Variants in IL3RA observed in about 807,000 individuals in gnomAD.
IL3RA encodes interleukin 3 receptor subunit alpha, also known as interleukin-3 receptor subunit alpha.
In IL3RA, 73 loss-of-function variants were observed where a neutral mutation model predicts 52.3. The observed-to-expected ratio is 1.40, with a 90% confidence interval of 1.16 to 1.70. The LOEUF (loss-of-function observed/expected upper bound fraction) is 1.70, where lower values mean the gene tolerates loss of function less well. Ranked by LOEUF, IL3RA falls within the 40% of genes most tolerant of loss-of-function variation. The pLI is 0.00. For missense variants in IL3RA, 664 were observed against 504.4 expected (o/e 1.32, Z -3.03); for synonymous variants, 260 against 194.0 (o/e 1.34, Z -2.83).
chrX:1,377,449 G>T (rs1475053631), intron 9 of IL3RA, among the ~76,000 whole-genome samples: 1 of 151,898 alleles, frequency 6.6e-6, no homozygotes, highest in Admixed American at 6.6e-5. Context: ...GGCCATGTTG[G>T]CCAGGCTGGT....
At chrX:1,349,291 C>T (rs2085970766) in intron 4 of IL3RA, among the ~76,000 whole-genome samples, 2 of 151,534 alleles carry the variant, frequency 1.3e-5, no homozygotes, top group South Asian at 4.2e-4. Context: ...AAGCGATTCT[C>T]CTGCCTCAGC....
chrX:1,344,515 T>C lies in IL3RA; in HGVS notation c.65-801T>C, dbSNP rs747194179. ...ATCAACTGGGCATGGTGGCTCATGC[T>C]TGTAATCCCAGCACTTTGAGAGGCC... On this transcript the variant is annotated intron_variant, in intron 2 of 11. Coordinates refer to ENST00000331035, the MANE Select transcript of IL3RA (RefSeq NM_002183.4). Among the ~76,000 whole-genome samples the C allele has an allele frequency of 8.0e-5, 12 of 150,318 alleles. No homozygotes were observed. In the South Asian group the frequency reaches 1.3e-3, roughly 16 times the overall value.
chrX:1,346,628 G>A lies in IL3RA; in HGVS notation c.183+1194G>A, dbSNP rs773951762. On this transcript the variant is annotated intron_variant, in intron 3 of 11. Transcript: ENST00000331035. Reference sequence around the variant, plus strand: ...TCTCAAAACAAAAACAAAAACAAAAGCAAAAACAAAACAAAAGTGTGTGCT... The same window carrying A: ...TCTCAAAACAAAAACAAAAACAAAAACAAAAACAAAACAAAAGTGTGTGCT... Among the ~76,000 whole-genome samples, 45 of 151,308 alleles carry A rather than the reference G, an allele frequency of 3.0e-4. 1 individual carries two copies. In the South Asian group the frequency reaches 9.0e-3, roughly 30 times the overall value.
Position 1,378,912 on chromosome X carries a change from G to C in IL3RA, c.980+148G>C, listed in dbSNP as rs1196371525. On this transcript the variant is annotated intron_variant, in intron 10 of 11. Coordinates refer to ENST00000331035, the MANE Select transcript of IL3RA (RefSeq NM_002183.4). ...GGCTGGAGTGCAGTGGCACGATCTG[G>C]GCTCACTGCAGCCTCTGCCTCCTGG... is the stretch of plus-strand genomic sequence containing the variant. 2.1e-5 allele frequency: 16 copies of C among 763,520 alleles called. No individual in the cohort carries two copies. In the African/African-American group the frequency reaches 2.4e-4, roughly 12 times the overall value. The allele number at this position is 763,520 out of a possible 1,614,324, so 47.3% of individuals were successfully genotyped here. A position where few individuals can be genotyped will look rare whatever the true frequency, so the allele number is the denominator to read the frequency against.
intron 8 of IL3RA, 69 bp from the exon 9 acceptor site, chrX:1,365,066 CCCT>C (rs2087812728): frequency 8.9e-7 from 1 of 1,121,248 alleles, no homozygotes; most frequent in Non-Finnish European, 1.3e-6. Context: ...GCCTTGGCCT[CCCT>C]AAGTGCCCAG....
intron 1 of IL3RA, among the ~76,000 whole-genome samples, chrX:1,338,000 A>T (rs1477982664): frequency 6.8e-6 from 1 of 147,236 alleles, no homozygotes; most frequent in East Asian, 2.0e-4. Context: ...CCTCGTACCC[A>T]TCTATAGATG....
At chrX:1,356,610 A>C (rs1201253739) in intron 7 of IL3RA, among the ~76,000 whole-genome samples, 1 of 152,096 alleles carries the variant, frequency 6.6e-6, no homozygotes, top group Admixed American at 6.6e-5. Context: ...TCTACTAAAA[A>C]TACGAAAAAA....
intron 9 of IL3RA, among the ~76,000 whole-genome samples, chrX:1,368,787 A>ACCTCCAG (rs2149168432): frequency 7.9e-6 from 1 of 126,474 alleles, no homozygotes; most frequent in East Asian, 2.3e-4. Flanking sequence ...TGGATCTCAG[A>ACCTCCAG]CCTCCAGCCT....
intron 8 of IL3RA, among the ~76,000 whole-genome samples, chrX:1,362,446 CTCTG>C (rs751931343): frequency 6.6e-6 from 1 of 151,342 alleles, no homozygotes; most frequent in Non-Finnish European, 1.5e-5. Context: ...CTCTTTGTAT[CTCTG>C]TCTCTCTCTG....
chrX:1,359,590 C>T (rs1418266971), intron 8 of IL3RA, among the ~76,000 whole-genome samples: 1 of 148,172 alleles, frequency 6.7e-6, no homozygotes, highest in African/African-American at 2.5e-5. Flanking sequence ...GTCCCCATCT[C>T]TCTCTGTGTC....
chrX:1,365,251 C>A lies in IL3RA; in HGVS notation c.873C>A (p.Phe291Leu). 3 of 1,475,528 alleles carry A rather than the reference C, an allele frequency of 2.0e-6. No homozygotes were observed. The highest frequency in any genetic ancestry group is 2.8e-6 in the Non-Finnish European group (3 of 1,090,632). The allele number at this position is 1,475,528 out of a possible 1,614,324, so 91.4% of individuals were successfully genotyped here. A position where few individuals can be genotyped will look rare whatever the true frequency, so the allele number is the denominator to read the frequency against. The change falls in exon 9 of 12, where the codon TTC becomes TTA. Residue 291 changes from phenylalanine to leucine, a missense_variant and splice_region_variant. Transcript: ENST00000331035. ...FLSAWSTPQRFECDQEEGANT... is the reference protein window; with the variant it reads ...FLSAWSTPQRLECDQEEGANT... ...GCGCCTGGAGCACCCCCCAGCGCTT[C>A]GGTGAGTGGGCTGTGCGGGGTGCGC...
chrX:1,347,820 C>CAT (rs1364680498), intron 3 of IL3RA, among the ~76,000 whole-genome samples: 19 of 148,340 alleles, frequency 1.3e-4, no homozygotes, highest in East Asian at 6.1e-4. Context: ...GGGTGGATCA[C>CAT]GAGGTCAGGA....
rs865786312 is a variant in IL3RA, at chrX:1,378,489, C to T, written c.875-170C>T. On this transcript the variant is annotated intron_variant, in intron 9 of 11. Transcript: ENST00000331035. ...GTACTCAGGTGGCCTGCAGGTGGCC[C>T]GCAGGTGGTCACGGTCTCTGTGCAG... 4.1e-5 allele frequency among the ~76,000 whole-genome samples: 6 copies of T among 145,014 alleles called. No individual in the cohort carries two copies. The East Asian group carries it at 9.6e-4, about 23-fold the overall frequency.
intron 8 of IL3RA, among the ~76,000 whole-genome samples, chrX:1,362,283 CCTCTCT>C (rs1333738752): frequency 6.9e-6 from 1 of 145,978 alleles, no homozygotes; most frequent in African/African-American, 2.5e-5. Flanking sequence ...TTTCTCTTTC[CCTCTCT>C]GTCTCCCCTC....
intron 9 of IL3RA, among the ~76,000 whole-genome samples, chrX:1,366,541 C>T (rs1376204747): frequency 1.5e-5 from 1 of 65,802 alleles, no homozygotes; most frequent in Non-Finnish European, 3.2e-5. Context: ...GCCGGGTGCG[C>T]GGGGTGAGCC....
chrX:1,361,356 G>T (rs1253022097), intron 8 of IL3RA, among the ~76,000 whole-genome samples: 1 of 152,080 alleles, frequency 6.6e-6, no homozygotes, highest in African/African-American at 2.4e-5. Context: ...AACAAAAGAG[G>T]GTTCCTGGAC....
intron 4 of IL3RA, 109 bp downstream of exon 4, chrX:1,348,654 CT>C (rs1422390179): frequency 4.9e-6 from 2 of 406,516 alleles, no homozygotes; most frequent in African/African-American, 1.2e-4. Flanking sequence ...CTCTTTCTTT[CT>C]TTCTTTCTTT....
At chrX:1,359,772 CATTCTCCCTCCCTCTTTT>C (rs1240173744) in intron 8 of IL3RA, among the ~76,000 whole-genome samples, 4 of 148,116 alleles carry the variant, frequency 2.7e-5, no homozygotes, top group South Asian at 2.2e-4. Flanking sequence ...CTCCCTCTCT[CATTCTCCCTCCCTCTTTT>C]ATTCTCCCTC....
intron 8 of IL3RA, among the ~76,000 whole-genome samples, chrX:1,362,510 G>C (rs750170634): frequency 7.0e-6 from 1 of 142,654 alleles, no homozygotes; most frequent in South Asian, 2.3e-4. Flanking sequence ...GTCTATGTCT[G>C]TTTTTCTGTC....
Sources: allele counts gnomAD v4.1 joint callset (sites outside exome capture counted in the v4.1 genomes callset), GRCh38; gene constraint gnomAD v4.1.1; transcripts MANE v1.5; gene names NCBI Gene and HGNC (gene_info 2026-07-23, HGNC 2026-07-21).